The following MAGI2 variants were observed in gnomAD, a reference collection of about 807,000 sequenced individuals.
MAGI2 encodes the protein membrane-associated guanylate kinase, WW and PDZ domain-containing protein 2.
In MAGI2, 35 loss-of-function variants were observed where a neutral mutation model predicts 133.3. The observed-to-expected ratio is 0.26, with a 90% CI of 0.20 to 0.35. The LOEUF (loss-of-function observed/expected upper bound fraction) is 0.35, where lower values mean the gene tolerates loss of function less well. Ranked by LOEUF, MAGI2 falls within the 10% of genes least tolerant of loss-of-function variation. The pLI is 1.00. For missense variants in MAGI2, 1,636 were observed against 1,863.4 expected (o/e 0.88, Z 2.25); for synonymous variants, 729 against 710.6 (o/e 1.03, Z -0.41).
intron 4 of MAGI2, among the ~76,000 whole-genome samples, chr7:78,502,407 C>T (rs1794703183): frequency 6.6e-6 from 1 of 152,022 alleles, no homozygotes; most frequent in Admixed American, 6.6e-5. Flanking sequence ...TGGATTATTT[C>T]CTGGAGAATC....
At chr7:78,455,605 T>C (rs895582119) in intron 6 of MAGI2, among the ~76,000 whole-genome samples, 2 of 152,284 alleles carry the variant, frequency 1.3e-5, no homozygotes, top group Middle Eastern at 3.4e-3. Flanking sequence ...AAAATAAAAA[T>C]ATATTATGCA....
At chr7:79,216,992 A>G (rs1294757905) in intron 1 of MAGI2, among the ~76,000 whole-genome samples, 1 of 152,106 alleles carries the variant, frequency 6.6e-6, no homozygotes, top group Non-Finnish European at 1.5e-5. Flanking sequence ...TTGTTAATTG[A>G]CAAATAAAAG....
intron 1 of MAGI2, among the ~76,000 whole-genome samples, chr7:79,328,261 T>C (rs1001506715): frequency 6.6e-6 from 1 of 152,180 alleles, no homozygotes; most frequent in African/African-American, 2.4e-5. Flanking sequence ...GTTTCCATGA[T>C]TGAATTTTGC....
intron 7 of MAGI2, among the ~76,000 whole-genome samples, chr7:78,368,483 G>A (rs993376490): frequency 6.6e-6 from 1 of 152,050 alleles, no homozygotes; most frequent in Non-Finnish European, 1.5e-5. Flanking sequence ...AAAAACAATC[G>A]TCTGTTTGGA....
intron 4 of MAGI2, among the ~76,000 whole-genome samples, chr7:78,514,234 C>A (rs1428387061): frequency 6.7e-6 from 1 of 150,296 alleles, no homozygotes; most frequent in Non-Finnish European, 1.5e-5. Context: ...TGTTTACAAT[C>A]ACTATAATAG....
At chr7:79,080,425 T>C (rs1049499455) in intron 1 of MAGI2, among the ~76,000 whole-genome samples, 8 of 152,252 alleles carry the variant, frequency 5.3e-5, no homozygotes, top group Non-Finnish European at 8.8e-5. Context: ...CCAGGTAAAA[T>C]AAATAATTAC....
intron 9 of MAGI2, among the ~76,000 whole-genome samples, chr7:78,282,726 G>C (rs1384718160): frequency 6.6e-6 from 1 of 151,988 alleles, no homozygotes; most frequent in Non-Finnish European, 1.5e-5. Flanking sequence ...ATAAAATGGT[G>C]CAGGGTGATT....
intron 1 of MAGI2, among the ~76,000 whole-genome samples, chr7:79,426,571 G>A (rs552402381): frequency 2.0e-4 from 31 of 152,206 alleles, no homozygotes; most frequent in South Asian, 8.3e-4. Context: ...TTTATATGTT[G>A]AGGTGTACTG....
At chr7:79,203,143 T>A (rs1360025252) in intron 1 of MAGI2, among the ~76,000 whole-genome samples, 1 of 152,002 alleles carries the variant, frequency 6.6e-6, no homozygotes, top group Non-Finnish European at 1.5e-5. Context: ...AACTTCTCGA[T>A]TTCTCATCCT....
At position 79,136,003 on chromosome 7, in the gene MAGI2, GAGAA is replaced by G. The variant is rs1554375907; in HGVS notation, c.302-128801_302-128798del. ...AGAAAGAAAGAAAGAAAGAAAGAAA[GAGAA>G]AGAAAGAAAGAAAGAAAGAAGGAAA... On this transcript the variant is annotated intron_variant, in intron 1 of 21. Coordinates refer to ENST00000354212, the MANE Select transcript of MAGI2 (RefSeq NM_012301.4). Among the ~76,000 whole-genome samples the G allele has an allele frequency of 1.5e-3, 61 of 40,924 alleles. 1 individual carries two copies. Among genetic ancestry groups the G allele is most frequent in the African/African-American group, 5.2e-3 (58 of 11,248 alleles). 26.8% of individuals were successfully genotyped at this position (40,924 alleles called of 152,430 possible).
intron 14 of MAGI2, 117 bp downstream of exon 14, chr7:78,177,894 C>A: frequency 1.5e-6 from 1 of 682,828 alleles, no homozygotes; most frequent in South Asian, 2.3e-5. Context: ...AAAGCTTAAA[C>A]TTCTTTATGA....
At chr7:78,097,452 G>T (rs1340069469) in intron 20 of MAGI2, among the ~76,000 whole-genome samples, 1 of 152,062 alleles carries the variant, frequency 6.6e-6, no homozygotes, top group Non-Finnish European at 1.5e-5. Flanking sequence ...AGAAAATATG[G>T]TACCTACACA....
At chr7:78,489,176 A>C (rs970198759) in intron 6 of MAGI2, among the ~76,000 whole-genome samples, 2 of 152,040 alleles carry the variant, frequency 1.3e-5, no homozygotes, top group African/African-American at 4.8e-5. Context: ...AGTCCTCAAA[A>C]TTATTTTTAA....
chr7:78,894,398 A>G (rs909428229), intron 2 of MAGI2, among the ~76,000 whole-genome samples: 2 of 152,268 alleles, frequency 1.3e-5, no homozygotes, highest in South Asian at 4.1e-4. Flanking sequence ...AAAACAAACA[A>G]AGCAACAAAC....
chr7:79,449,472 T>C (rs1849088031), intron 1 of MAGI2, among the ~76,000 whole-genome samples: 1 of 151,990 alleles, frequency 6.6e-6, no homozygotes. Flanking sequence ...GCAAGGAATG[T>C]AGGCCACAAA....
At chr7:78,973,526 C>T (rs902140256) in intron 2 of MAGI2, among the ~76,000 whole-genome samples, 2 of 151,246 alleles carry the variant, frequency 1.3e-5, no homozygotes, top group African/African-American at 4.9e-5. Flanking sequence ...GTGATGGACT[C>T]TAGAGAATTT....
intron 1 of MAGI2, among the ~76,000 whole-genome samples, chr7:79,162,962 G>T (rs886430272): frequency 2.0e-5 from 3 of 151,886 alleles, no homozygotes; most frequent in Non-Finnish European, 4.4e-5. Flanking sequence ...ATCTGGCCTA[G>T]AATAATTAAC....
At chr7:78,373,882 G>A (rs1017627584) in intron 6 of MAGI2, among the ~76,000 whole-genome samples, 23 of 152,202 alleles carry the variant, frequency 1.5e-4, no homozygotes, top group Non-Finnish European at 2.4e-4. Context: ...AATTTGCTTA[G>A]GATAATGCCC....
intron 1 of MAGI2, among the ~76,000 whole-genome samples, chr7:79,382,852 G>C (rs570927538): frequency 1.3e-5 from 2 of 151,556 alleles, no homozygotes; most frequent in South Asian, 4.1e-4. Context: ...ATAAATCTCT[G>C]AGAGATATCT....
Sources: allele counts gnomAD v4.1 joint callset (sites outside exome capture counted in the v4.1 genomes callset), GRCh38; gene constraint gnomAD v4.1.1; transcripts MANE v1.5; gene names NCBI Gene and HGNC (gene_info 2026-07-23, HGNC 2026-07-21).